The following FOXN3 variants were observed in gnomAD, a reference collection of about 807,000 sequenced individuals.
The protein encoded by FOXN3 is forkhead box protein N3.
FOXN3 carries 7 observed loss-of-function variants against 38.4 expected under a neutral mutation model. That is an observed-to-expected ratio of 0.18 (90% confidence interval 0.10 to 0.34). The LOEUF (loss-of-function observed/expected upper bound fraction) is 0.34. Ranked by LOEUF, FOXN3 falls within the 10% of genes least tolerant of loss-of-function variation. The pLI is 1.00. For missense variants in FOXN3, 456 were observed against 613.4 expected, an observed-to-expected ratio of 0.74 and a Z score of 2.71; for synonymous variants, 230 against 242.2, an observed-to-expected ratio of 0.95 and a Z score of 0.47.
At chr14:89,511,448 AC>A (rs1489157975) in intron 1 of FOXN3, among the ~76,000 whole-genome samples, 1 of 151,494 alleles carries the variant, frequency 6.6e-6, no homozygotes, top group Non-Finnish European at 1.5e-5. Flanking sequence ...GTGCACTACT[AC>A]ACTCAGCTAA....
intron 3 of FOXN3, among the ~76,000 whole-genome samples, chr14:89,334,721 A>ATTTGT (rs897230457): frequency 6.6e-6 from 1 of 152,026 alleles, no homozygotes; most frequent in Non-Finnish European, 1.5e-5. Flanking sequence ...AAAAGAGTAG[A>ATTTGT]TTTGTTTTGT....
At chr14:89,523,484 G>C (rs1290496313) in intron 1 of FOXN3, among the ~76,000 whole-genome samples, 1 of 152,156 alleles carries the variant, frequency 6.6e-6, no homozygotes, top group African/African-American at 2.4e-5. Context: ...AAAGGTTAAA[G>C]TCATAAAAAC....
intron 2 of FOXN3, among the ~76,000 whole-genome samples, chr14:89,352,001 T>G (rs1888989931): frequency 6.6e-6 from 1 of 152,248 alleles, no homozygotes; most frequent in Admixed American, 6.5e-5. Context: ...ATTAAAATAC[T>G]TTATTATCAA....
chr14:89,591,037 G>A (rs1895938950), intron 1 of FOXN3, among the ~76,000 whole-genome samples: 1 of 152,112 alleles, frequency 6.6e-6, no homozygotes, highest in Admixed American at 6.5e-5. Context: ...GTATCTTTAG[G>A]TCTTCATTCC....
chr14:89,444,966 T>C (rs921152956), intron 1 of FOXN3, among the ~76,000 whole-genome samples: 6 of 151,652 alleles, frequency 4.0e-5, no homozygotes, highest in African/African-American at 1.5e-4. Flanking sequence ...ACAAAAAAAA[T>C]ACAAAAATTA....
At chr14:89,589,918 CT>C (rs987593809) in intron 1 of FOXN3, among the ~76,000 whole-genome samples, 3 of 152,168 alleles carry the variant, frequency 2.0e-5, no homozygotes, top group Admixed American at 6.5e-5. Flanking sequence ...CCAACTTCCC[CT>C]CCTGACTCCT....
At chr14:89,336,216 C>CCA (rs1555419027) in intron 3 of FOXN3, among the ~76,000 whole-genome samples, 5 of 143,160 alleles carry the variant, frequency 3.5e-5, no homozygotes, top group African/African-American at 1.3e-4. Context: ...CTAACGGTGC[C>CCA]TCCATCCATC....
chr14:89,317,797 G>T (rs1377664605), intron 3 of FOXN3, among the ~76,000 whole-genome samples: 1 of 151,718 alleles, frequency 6.6e-6, no homozygotes, highest in Non-Finnish European at 1.5e-5. Flanking sequence ...GAGGTGAGCG[G>T]CAGGCGAGCA....
rs918900468 is a variant in FOXN3, at chr14:89,604,272, C to CAG, written c.-15+14754_-15+14755dup. Among the ~76,000 whole-genome samples the CAG allele has an allele frequency of 1.5e-3, 222 of 150,582 alleles. 1 individual carries two copies. The highest frequency in any genetic ancestry group is 4.3e-3 in the East Asian group (22 of 5,144). ...GCACACACACGCGCGCGCACACACACAGAGAGAGAGAGAGAGAGAAACAAA... is the reference window on the plus strand; with the variant it reads ...GCACACACACGCGCGCGCACACACACAGAGAGAGAGAGAGAGAGAGAAACAAA... On this transcript the variant is annotated intron_variant, in intron 1 of 6. Coordinates refer to the FOXN3 transcript ENST00000345097.
At chr14:89,247,092 G>A (rs1352192742) in intron 4 of FOXN3, among the ~76,000 whole-genome samples, 3 of 151,792 alleles carry the variant, frequency 2.0e-5, no homozygotes, top group Non-Finnish European at 4.4e-5. Context: ...CCACCCAATA[G>A]TCAGTCTGTC....
At chr14:89,389,758 A>C (rs1019114217) in intron 2 of FOXN3, among the ~76,000 whole-genome samples, 1 of 152,196 alleles carries the variant, frequency 6.6e-6, no homozygotes, top group African/African-American at 2.4e-5. Flanking sequence ...GCATCAATAT[A>C]CGATCTTAGC....
At chr14:89,399,889 A>G (rs1891201707) in intron 2 of FOXN3, 1 of 152,216 alleles carries the variant, frequency 6.6e-6, no homozygotes, top group Admixed American at 6.5e-5. Flanking sequence ...CTTACTTTCC[A>G]TATCAACTGC....
rs532778232 is a variant in FOXN3, at chr14:89,500,581, A to G, written c.-14-88091T>C. 1.1e-4 allele frequency among the ~76,000 whole-genome samples: 17 copies of G among 152,316 alleles called. No individual in the cohort carries two copies. The South Asian group carries it at 1.5e-3, about 13-fold the overall frequency. On this transcript the variant is annotated intron_variant, in intron 1 of 6. Coordinates refer to the FOXN3 transcript ENST00000345097. Reference sequence around the variant, plus strand: ...CAAGCTGACCTGTGAGATCAGGACCATGCTGGGGGTGTGCCCCTATCCAAC... The same window carrying G: ...CAAGCTGACCTGTGAGATCAGGACCGTGCTGGGGGTGTGCCCCTATCCAAC...
In FOXN3 at chr14:89,594,669, A is replaced by G. The variant is rs77921989; in HGVS notation, c.-15+24359T>C. On this transcript the variant is annotated intron_variant, in intron 1 of 6. Coordinates refer to the FOXN3 transcript ENST00000345097. ...TCTCTTAAGTTGCCTTTCATTCTCT[A>G]TATCTTTTGATGAACAAAAGCTCAT... Among the ~76,000 whole-genome samples the G allele has an allele frequency of 2.5e-3, 384 of 152,242 alleles. 4 individuals are homozygous for G. Among genetic ancestry groups the G allele is most frequent in the African/African-American group, 9.0e-3 (372 of 41,520 alleles).
At chr14:89,554,642 T>C (rs1009811259) in intron 1 of FOXN3, among the ~76,000 whole-genome samples, 1 of 152,168 alleles carries the variant, frequency 6.6e-6, no homozygotes, top group South Asian at 2.1e-4. Flanking sequence ...TCAATTCTAC[T>C]TCTCAACAGC....
At chr14:89,253,883 C>G (rs984940693) in intron 4 of FOXN3, among the ~76,000 whole-genome samples, 1 of 152,188 alleles carries the variant, frequency 6.6e-6, no homozygotes, top group African/African-American at 2.4e-5. Context: ...CTTTTCAAGC[C>G]TTTGTTTCCT....
chr14:89,266,419 A>G (rs1052978589), intron 4 of FOXN3, among the ~76,000 whole-genome samples: 1 of 152,086 alleles, frequency 6.6e-6, no homozygotes, highest in Non-Finnish European at 1.5e-5. Flanking sequence ...TAACGGCTCT[A>G]TCTCCAAATT....
Position 89,570,185 on chromosome 14 carries a change from G to C in FOXN3, c.-15+48843C>G, listed in dbSNP as rs143938431. On this transcript the variant is annotated intron_variant, in intron 1 of 6. Coordinates refer to the FOXN3 transcript ENST00000345097. ...CGGCTAATTTTTTGTATTTTTAGTA[G>C]AGACAAGGTTTCACCATGTTAGCCA... is the stretch of plus-strand genomic sequence containing the variant. Among the ~76,000 whole-genome samples the C allele has an allele frequency of 4.8e-3, 726 of 152,142 alleles. 7 individuals carry two copies. Among genetic ancestry groups the C allele is most frequent in the African/African-American group, 0.017 (706 of 41,504 alleles).
At chr14:89,524,097 G>A (rs1437162164) in intron 1 of FOXN3, among the ~76,000 whole-genome samples, 14 of 148,152 alleles carry the variant, frequency 9.4e-5, no homozygotes, top group Admixed American at 6.7e-5. Flanking sequence ...AACTAGAGCT[G>A]GGCACGGTGG....
Sources: allele counts gnomAD v4.1 joint callset (sites outside exome capture counted in the v4.1 genomes callset), GRCh38; gene constraint gnomAD v4.1.1; transcripts MANE v1.5; gene names NCBI Gene and HGNC (gene_info 2026-07-23, HGNC 2026-07-21).